BICD2: variants seen among roughly 807,000 people sequenced by gnomAD.
BICD2 encodes the protein BICD cargo adaptor 2.
BICD2 carries 25 observed loss-of-function variants against 72.9 expected under a neutral mutation model. The observed-to-expected ratio is 0.34, with a 90% CI of 0.25 to 0.48. The LOEUF (loss-of-function observed/expected upper bound fraction) is 0.48. Among genes scored for constraint, BICD2 ranks in the 20% least tolerant of loss-of-function variants. The pLI is 0.99. For synonymous variants in BICD2, 501 were observed against 516.1 expected (o/e 0.97, Z 0.40); for missense variants, 894 against 1,175.2 (o/e 0.76, Z 3.50).
rs754493702 is a variant in BICD2 at position 92,722,784 on chromosome 9, G to A, written c.478C>T (p.Arg160Cys). Reference protein sequence around the residue: ...KEINQNVEIQRGRLRDDIKEY... With the variant: ...KEINQNVEIQCGRLRDDIKEY... ...TTGATGTCATCCCGCAGGCGGCCAC[G>A]CTGGATCTCCACATTCTGGTTGATC... Residue 160 changes from arginine to cysteine, a missense_variant, in exon 3 of 7, where the codon CGT becomes TGT. By Grantham distance (180) the Arg-to-Cys change is radical. This residue lies in a region of BICD2 where 192 missense variants were observed against 243.6 expected (regional missense o/e 0.79). Coordinates refer to ENST00000356884, the MANE Select transcript of BICD2 (RefSeq NM_001003800.2). 22 of 1,613,276 alleles carry A rather than the reference G, an allele frequency of 1.4e-5. No homozygotes were observed. Among genetic ancestry groups the A allele is most frequent in the East Asian group, 2.2e-5 (1 of 44,780 alleles).
intron 1 of BICD2, among the ~76,000 whole-genome samples, chr9:92,733,808 A>G (rs963126274): frequency 2.0e-5 from 3 of 151,852 alleles, no homozygotes; most frequent in Non-Finnish European, 4.4e-5. Flanking sequence ...TCTACTAAAA[A>G]TACAAAAAAT....
intron 6 of BICD2, among the ~76,000 whole-genome samples, chr9:92,717,504 G>A (rs992269626): frequency 2.6e-5 from 4 of 152,256 alleles, no homozygotes; most frequent in Non-Finnish European, 5.9e-5. Context: ...AACTGCTTGC[G>A]TGACCTCGGA....
intron 2 of BICD2, among the ~76,000 whole-genome samples, chr9:92,727,157 T>C (rs1483350028): frequency 1.3e-5 from 2 of 152,164 alleles, no homozygotes; most frequent in Non-Finnish European, 2.9e-5. Flanking sequence ...AGCTCCTCCC[T>C]GGGCCCCTAG....
Position 92,721,375 on chromosome 9 carries a change from G to A in BICD2, c.607-620C>T, listed in dbSNP as rs556462079. 5.9e-5 allele frequency among the ~76,000 whole-genome samples: 9 copies of A among 152,330 alleles called. No individual in the cohort carries two copies. The East Asian group carries it at 1.2e-3, about 20-fold the overall frequency. On this transcript the variant is annotated intron_variant, in intron 3 of 6. Transcript: ENST00000356884. Reference sequence around the variant, plus strand: ...ATGACACCCAGACCTGGAGGAGCTCGAAGGTAGGTGGGAAAAGCAACATCA... The same window carrying A: ...ATGACACCCAGACCTGGAGGAGCTCAAAGGTAGGTGGGAAAAGCAACATCA...
chr9:92,719,696 C>T lies in BICD2; in HGVS notation c.1063-114G>A, dbSNP rs551549344. The stretch of plus-strand genomic sequence containing the variant: ...ACCCCATGTCAGGGCAGGCTGTCAG[C>T]CCCAGGTTCCTTGGCCATGCTGTCA... On this transcript the variant is annotated intron_variant, in intron 4 of 6. Transcript: ENST00000356884. 172 of 1,128,528 alleles carry T rather than the reference C, an allele frequency of 1.5e-4. No homozygotes were observed. In the African/African-American group the frequency reaches 2.3e-3, roughly 15 times the overall value. 69.9% of individuals were successfully genotyped at this position (1,128,528 alleles called of 1,614,324 possible).
rs116880144 is a variant in BICD2, at chr9:92,731,205, T to C, written c.241-1969A>G. On this transcript the variant is annotated intron_variant, in intron 1 of 6. Transcript: ENST00000356884. ...ACCCAAATGAAGGGTCCAGCACACA[T>C]GGCTGCTCAGAACACACCCACGAGC... is the stretch of plus-strand genomic sequence containing the variant. Among the ~76,000 whole-genome samples the C allele has an allele frequency of 6.6e-4, 101 of 152,268 alleles. No homozygotes were observed. The East Asian group carries it at 0.019, about 28-fold the overall frequency.
intron 6 of BICD2, among the ~76,000 whole-genome samples, chr9:92,716,636 T>C (rs1161791766): frequency 6.6e-6 from 1 of 152,230 alleles, no homozygotes; most frequent in Non-Finnish European, 1.5e-5. Context: ...CTGTCCCCCA[T>C]GCAGGGCTGA....
chr9:92,758,267 A>C (rs1203793501), intron 1 of BICD2, among the ~76,000 whole-genome samples: 1 of 151,066 alleles, frequency 6.6e-6, no homozygotes, highest in African/African-American at 2.4e-5. Context: ...TAATGAGTAA[A>C]GCAGCCAGGC....
intron 1 of BICD2, among the ~76,000 whole-genome samples, chr9:92,741,615 A>G (rs1472642629): frequency 1.3e-5 from 2 of 152,258 alleles, no homozygotes; most frequent in Non-Finnish European, 2.9e-5. Flanking sequence ...AAGAGCATCA[A>G]TAGAGTAAAT....
In BICD2 at chr9:92,718,713, G is replaced by T; in HGVS notation, c.1932C>A (p.Ala644=). Residue 644 remains alanine, a synonymous_variant, in exon 5 of 7, where the codon GCC becomes GCA. Transcript: ENST00000356884. The part of the protein sequence containing the change: ...IRDQIKHLQA[A]VDRTTELSRQ... ...GTGACAGCTCCGTGGTGCGGTCCAC[G>T]GCTGCCTGCAGGTGCTTGATCTGGT... 1 of 1,614,116 alleles carries T rather than the reference G, an allele frequency of 6.2e-7. No individual in the cohort carries two copies. The highest frequency in any genetic ancestry group is 2.2e-5 in the East Asian group (1 of 44,872).
chr9:92,717,746 T>C, intron 6 of BICD2, 51 bp downstream of exon 6: 1 of 1,544,254 alleles, frequency 6.5e-7, no homozygotes, highest in Non-Finnish European at 8.7e-7. Context: ...AGGCAAGTGC[T>C]GAGGACAGCT....
intron 1 of BICD2, among the ~76,000 whole-genome samples, chr9:92,755,728 AC>A (rs1854240763): frequency 6.6e-6 from 1 of 151,980 alleles, no homozygotes; most frequent in South Asian, 2.1e-4. Flanking sequence ...CAGCCCTTAC[AC>A]CCCAGCATGT....
At chr9:92,717,109 G>A (rs1853331869) in intron 6 of BICD2, among the ~76,000 whole-genome samples, 2 of 152,228 alleles carry the variant, frequency 1.3e-5, no homozygotes, top group Non-Finnish European at 2.9e-5. Context: ...ATACACACTT[G>A]TGCCATATGG....
At position 92,719,296 on chromosome 9, in the gene BICD2, C is replaced by T. The variant is rs545926410; in HGVS notation, c.1349G>A (p.Arg450His). ...HVAVAEAGEL[R>H]EQLKALRSTH... is the part of the protein sequence containing the mutation. ...GCTGCGCAGTGCCTTGAGCTGCTCG[C>T]GGAGCTCGCCAGCCTCAGCCACAGC... The change falls in exon 5 of 7, where the codon CGC becomes CAC. Residue 450 changes from arginine (R) to histidine (H), a missense_variant. By Grantham distance (29) the Arg-to-His change is conservative. Around this residue, in one of 5 missense-constraint regions of BICD2, gnomAD observed 371 missense variants for 439.1 expected, o/e 0.84. Transcript: ENST00000356884. The T allele has an allele frequency of 1.3e-5, 21 of 1,613,832 alleles. No individual in the cohort carries two copies. Among genetic ancestry groups the T allele is most frequent in the East Asian group, 4.5e-5 (2 of 44,898 alleles).
At chr9:92,754,463 T>A (rs1330879630) in intron 1 of BICD2, among the ~76,000 whole-genome samples, 2 of 152,212 alleles carry the variant, frequency 1.3e-5, no homozygotes, top group African/African-American at 4.8e-5. Flanking sequence ...GGAACAAATT[T>A]ACATTTTCAA....
intron 1 of BICD2, among the ~76,000 whole-genome samples, chr9:92,755,606 A>G (rs1333776382): frequency 6.6e-6 from 1 of 152,218 alleles, no homozygotes; most frequent in African/African-American, 2.4e-5. Context: ...CACTTAAGGA[A>G]AATGAAAAGA....
At chr9:92,730,055 C>A (rs930782707) in intron 1 of BICD2, among the ~76,000 whole-genome samples, 1 of 152,176 alleles carries the variant, frequency 6.6e-6, no homozygotes, top group African/African-American at 2.4e-5. Flanking sequence ...GGCGAGTGGC[C>A]CAGCCTCCAA....
chr9:92,731,475 TAAAAA>T (rs771855818), intron 1 of BICD2, among the ~76,000 whole-genome samples: 154 of 137,766 alleles, frequency 1.1e-3, no homozygotes, highest in Non-Finnish European at 1.6e-3. Flanking sequence ...TGTGAAAACT[TAAAAA>T]AAAAAAAGAA....
chr9:92,736,447 A>C (rs1853789737), intron 1 of BICD2, among the ~76,000 whole-genome samples: 1 of 152,210 alleles, frequency 6.6e-6, no homozygotes, highest in Non-Finnish European at 1.5e-5. Context: ...TACATGGTCT[A>C]AAAAATGGGA....
Sources: gnomAD v4.1 joint callset for allele counts (sites outside exome capture counted in the v4.1 genomes callset) on GRCh38, gnomAD v4.1.1 for gene constraint, gnomAD v4.1.1 regional missense constraint, MANE v1.5 for transcripts, NCBI Gene and HGNC (gene_info 2026-07-23, HGNC 2026-07-21) for gene names.